Variants in UBE2B observed in about 807,000 individuals in gnomAD.
UBE2B encodes ubiquitin-conjugating enzyme E2 B.
A neutral mutation model predicts 24.6 loss-of-function variants in UBE2B; 11 were observed. The observed-to-expected ratio is 0.45, with a 90% CI of 0.28 to 0.74. The LOEUF (loss-of-function observed/expected upper bound fraction) is 0.74, where lower values mean the gene tolerates loss of function less well. Ranked by LOEUF, UBE2B falls within the 30% of genes least tolerant of loss-of-function variation. The probability of loss-of-function intolerance (pLI) is 0.13; values close to 1 mark genes in which losing one functional copy is unlikely to be tolerated. For synonymous variants in UBE2B, 68 were observed against 62.4 expected (o/e 1.09, Z -0.42); for missense variants, 78 against 185.6 (o/e 0.42, Z 3.37).
At chr5:134,372,905 A>G (rs1222691143) in intron 1 of UBE2B, among the ~76,000 whole-genome samples, 1 of 152,184 alleles carries the variant, frequency 6.6e-6, no homozygotes, top group African/African-American at 2.4e-5. Context: ...TTTTGGTGCA[A>G]AAGTCATCTT....
In UBE2B at chr5:134,378,298, C is replaced by T. The variant is rs182923726; in HGVS notation, c.151+1604C>T. ...TTTTTTGTTTTTTGTCTCGCTCTCTCACCCAGGCTGGAGTGCAGAGGCGCA... is the reference window on the plus strand; with the variant it reads ...TTTTTTGTTTTTTGTCTCGCTCTCTTACCCAGGCTGGAGTGCAGAGGCGCA... On this transcript the variant is annotated intron_variant, in intron 3 of 5. Transcript: ENST00000265339. Among the ~76,000 whole-genome samples the T allele has an allele frequency of 1.9e-3, 285 of 152,178 alleles. 1 individual carries two copies. Among genetic ancestry groups the T allele is most frequent in the Non-Finnish European group, 3.8e-3 (258 of 68,006 alleles).
At chr5:134,385,062 C>T (rs1310215623) in intron 4 of UBE2B, among the ~76,000 whole-genome samples, 2 of 152,152 alleles carry the variant, frequency 1.3e-5, no homozygotes, top group Non-Finnish European at 2.9e-5. Context: ...TAATATTCCA[C>T]TGTATGGATA....
At chr5:134,385,905 T>G (rs1339819411) in intron 4 of UBE2B, among the ~76,000 whole-genome samples, 2 of 150,926 alleles carry the variant, frequency 1.3e-5, no homozygotes, top group Non-Finnish European at 3.0e-5. Context: ...CCCACCTACT[T>G]GGGAGGCTGA....
intron 5 of UBE2B, among the ~76,000 whole-genome samples, 183 bp downstream of exon 5, chr5:134,388,596 A>G (rs144642491): frequency 6.6e-6 from 1 of 152,296 alleles, no homozygotes; most frequent in Non-Finnish European, 1.5e-5. Context: ...TGTGTAAGTT[A>G]CATGTTCTCA....
At chr5:134,387,808 C>G (rs921258533) in intron 4 of UBE2B, among the ~76,000 whole-genome samples, 1 of 151,836 alleles carries the variant, frequency 6.6e-6, no homozygotes, top group Non-Finnish European at 1.5e-5. Context: ...AATTTTTTTA[C>G]TTTTATTTTT....
intron 1 of UBE2B, among the ~76,000 whole-genome samples, chr5:134,373,410 T>C (rs1758531041): frequency 4.6e-5 from 7 of 152,014 alleles, no homozygotes; most frequent in Admixed American, 4.6e-4. Context: ...TCTGTAAAAA[T>C]ATTACTTGCT....
At chr5:134,374,605 A>G (rs910197968) in intron 2 of UBE2B, 142 bp downstream of exon 2, 1 of 972,488 alleles carries the variant, frequency 1.0e-6, no homozygotes. Context: ...AGAAAAAAAA[A>G]ATATTTCAAT....
Position 134,390,674 on chromosome 5 carries a change from C to A in UBE2B, c.*321C>A. 1 of 249,502 alleles carries A rather than the reference C, an allele frequency of 4.0e-6. No individual in the cohort carries two copies. The highest frequency in any genetic ancestry group is 4.6e-5 in the South Asian group (1 of 21,794). 15.5% of individuals were successfully genotyped at this position (249,502 alleles called of 1,614,324 possible). A position where few individuals can be genotyped will look rare whatever the true frequency, so the allele number is the denominator to read the frequency against. On this transcript the variant is annotated 3_prime_UTR_variant, in exon 6 of 6. Transcript: ENST00000265339. This position sits in a 1 kb window ranked among gnomAD's most constrained non-coding sequence, Gnocchi z 4.6. ...CTGTACTTTTTTCAAATATTGAATG[C>A]CTTATTTTTGAATTCTTTAGATTTT...
intron 3 of UBE2B, among the ~76,000 whole-genome samples, chr5:134,377,974 A>G (rs1371513894): frequency 1.3e-5 from 2 of 152,162 alleles, no homozygotes; most frequent in East Asian, 3.9e-4. Context: ...CAGGTGGATC[A>G]TGGATCACTT....
chr5:134,378,785 T>G (rs1758652309), intron 3 of UBE2B, among the ~76,000 whole-genome samples: 6 of 151,974 alleles, frequency 3.9e-5, no homozygotes, highest in Admixed American at 3.9e-4. Context: ...TGTAATAAGC[T>G]CGGTGTGGTG....
At chr5:134,389,830 A>C in intron 5 of UBE2B, 1 of 265,230 alleles carries the variant, frequency 3.8e-6, no homozygotes, top group Non-Finnish European at 7.4e-6. Context: ...TACAGGCGTG[A>C]GCCACCACAC....
At position 134,390,490 on chromosome 5, in the gene UBE2B, C is replaced by A; in HGVS notation, c.*137C>A. On this transcript the variant is annotated 3_prime_UTR_variant, in exon 6 of 6. Coordinates refer to ENST00000265339, the MANE Select transcript of UBE2B (RefSeq NM_003337.4). This position sits in a 1 kb window ranked among gnomAD's most constrained non-coding sequence, Gnocchi z 4.6. ...AAGAAAAAAGTCCTTCAGTTTAGAACCTACAAAAGCTTGTGTATCTTGATT... is the reference window on the plus strand; with the variant it reads ...AAGAAAAAAGTCCTTCAGTTTAGAAACTACAAAAGCTTGTGTATCTTGATT... 2 of 1,002,014 alleles carry A rather than the reference C, an allele frequency of 2.0e-6. No homozygotes were observed. Among genetic ancestry groups the A allele is most frequent in the Non-Finnish European group, 2.9e-6 (2 of 681,916 alleles). 62.1% of individuals were successfully genotyped at this position (1,002,014 alleles called of 1,614,324 possible).
chr5:134,386,191 G>C (rs933289567), intron 4 of UBE2B, among the ~76,000 whole-genome samples: 1 of 149,016 alleles, frequency 6.7e-6, no homozygotes, highest in African/African-American at 2.5e-5. Flanking sequence ...GCTGGGTCGT[G>C]GTTGTACATG....
chr5:134,385,350 G>A (rs1328609059), intron 4 of UBE2B, among the ~76,000 whole-genome samples: 2 of 152,204 alleles, frequency 1.3e-5, no homozygotes, highest in African/African-American at 2.4e-5. Flanking sequence ...ATTGCCCAGT[G>A]TGTGTGTAAA....
At chr5:134,383,322 G>T (rs904519500) in intron 4 of UBE2B, among the ~76,000 whole-genome samples, 2 of 151,782 alleles carry the variant, frequency 1.3e-5, no homozygotes, top group Non-Finnish European at 2.9e-5. Flanking sequence ...AAATTTTTTT[G>T]TTGTTGAGAA....
At chr5:134,377,863 A>G (rs909680884) in intron 3 of UBE2B, among the ~76,000 whole-genome samples, 1 of 152,194 alleles carries the variant, frequency 6.6e-6, no homozygotes, top group Non-Finnish European at 1.5e-5. Context: ...AGTGGCACCA[A>G]ACCATACTAA....
intron 1 of UBE2B, among the ~76,000 whole-genome samples, chr5:134,373,739 G>A (rs1205858454): frequency 6.6e-6 from 1 of 152,060 alleles, no homozygotes; most frequent in Non-Finnish European, 1.5e-5. Flanking sequence ...GTGGTGTTTG[G>A]TTTTTTGTCC....
intron 1 of UBE2B, among the ~76,000 whole-genome samples, chr5:134,372,049 C>T (rs570188071): frequency 1.4e-3 from 210 of 152,344 alleles, no homozygotes; most frequent in African/African-American, 4.2e-3. Context: ...AGCTTTGTTT[C>T]ACGGCCCCGC....
chr5:134,384,192 C>T (rs1758759729), intron 4 of UBE2B, among the ~76,000 whole-genome samples: 1 of 152,182 alleles, frequency 6.6e-6, no homozygotes, highest in South Asian at 2.1e-4. Flanking sequence ...TTCAGAGGTC[C>T]TCTTGGTCGT....
Sources: gnomAD v4.1 joint callset for allele counts (sites outside exome capture counted in the v4.1 genomes callset) on GRCh38, gnomAD v4.1.1 for gene constraint, Gnocchi (gnomAD v3.1) non-coding constraint, MANE v1.5 for transcripts, NCBI Gene and HGNC (gene_info 2026-07-23, HGNC 2026-07-21) for gene names.